The following ACOXL variants were observed in gnomAD, a reference collection of about 807,000 sequenced individuals.
The protein encoded by ACOXL is acyl-coenzyme A oxidase-like protein.
ACOXL carries 70 observed loss-of-function variants against 71.9 expected under a neutral mutation model. That is an observed-to-expected ratio of 0.97 (90% CI 0.80 to 1.19). The LOEUF (loss-of-function observed/expected upper bound fraction) is 1.19, where lower values mean the gene tolerates loss of function less well. ACOXL is among the 50% of genes most tolerant of loss of function. The pLI, the probability that ACOXL is intolerant of heterozygous loss-of-function variation, is 0.00. For synonymous variants in ACOXL, 253 were observed against 281.6 expected (o/e 0.90, Z 1.02); for missense variants, 703 against 736.3 (o/e 0.95, Z 0.52).
intron 10 of ACOXL, among the ~76,000 whole-genome samples, chr2:110,877,507 G>GT (rs552632562): frequency 8.2e-4 from 124 of 152,142 alleles, no homozygotes; most frequent in African/African-American, 2.9e-3. Context: ...TTGTTCGGTT[G>GT]TTTTTTCAAA....
intron 14 of ACOXL, among the ~76,000 whole-genome samples, chr2:111,014,372 T>C (rs1035225995): frequency 2.6e-5 from 4 of 152,198 alleles, no homozygotes; most frequent in African/African-American, 9.7e-5. Context: ...ATTTACAATA[T>C]CATCTAAAAA....
intron 14 of ACOXL, among the ~76,000 whole-genome samples, chr2:110,998,166 G>A (rs1044467090): frequency 1.3e-5 from 2 of 152,118 alleles, no homozygotes; most frequent in African/African-American, 4.8e-5. Context: ...TAAGATGAAA[G>A]ACAAAGTAAA....
intron 7 of ACOXL, among the ~76,000 whole-genome samples, chr2:110,799,469 G>A (rs1030331258): frequency 2.0e-5 from 3 of 152,158 alleles, no homozygotes; most frequent in Non-Finnish European, 4.4e-5. Context: ...CTGTGCTCTT[G>A]AGGCCCTTAA....
intron 9 of ACOXL, among the ~76,000 whole-genome samples, chr2:110,820,098 T>G (rs2105505362): frequency 6.6e-6 from 1 of 152,170 alleles, no homozygotes; most frequent in African/African-American, 2.4e-5. Flanking sequence ...TTCCCAACAT[T>G]CCCTAGTCAG....
intron 12 of ACOXL, among the ~76,000 whole-genome samples, chr2:110,977,320 A>G (rs547432058): frequency 6.6e-6 from 1 of 151,442 alleles, no homozygotes; most frequent in East Asian, 2.0e-4. Flanking sequence ...CGGGAGGCAG[A>G]GCTTGCAGTG....
chr2:111,059,876 A>G (rs2066723112), intron 16 of ACOXL, among the ~76,000 whole-genome samples: 1 of 151,278 alleles, frequency 6.6e-6, no homozygotes, highest in South Asian at 2.1e-4. Context: ...GAGGAGGAGG[A>G]TAAGGAGGAG....
chr2:110,754,138 T>C lies in ACOXL; in HGVS notation c.-22-14230T>C, dbSNP rs571355781. On this transcript the variant is annotated intron_variant, in intron 1 of 17. Coordinates refer to ENST00000439055, the MANE Select transcript of ACOXL (RefSeq NM_001142807.4). ...CCCAGGCTGGAGTGCAGTGGCATGATCTTGGCTCACTACAGCCTCAACATC... is the reference window on the plus strand; with the variant it reads ...CCCAGGCTGGAGTGCAGTGGCATGACCTTGGCTCACTACAGCCTCAACATC... Among the ~76,000 whole-genome samples, 9 of 150,880 alleles carry C rather than the reference T, an allele frequency of 6.0e-5. No individual in the cohort carries two copies. In the South Asian group the frequency reaches 1.9e-3, roughly 32 times the overall value.
At chr2:110,803,170 T>A (rs1464370430) in intron 8 of ACOXL, among the ~76,000 whole-genome samples, 1 of 152,122 alleles carries the variant, frequency 6.6e-6, no homozygotes, top group Non-Finnish European at 1.5e-5. Flanking sequence ...CCAGGCCCCC[T>A]CAGGACCACC....
At chr2:110,999,228 A>G (rs1226575315) in intron 14 of ACOXL, among the ~76,000 whole-genome samples, 1 of 152,052 alleles carries the variant, frequency 6.6e-6, no homozygotes, top group Non-Finnish European at 1.5e-5. Flanking sequence ...CCATCCATCC[A>G]TGCACCCACA....
At chr2:111,091,556 A>T in intron 16 of ACOXL, among the ~76,000 whole-genome samples, 1 of 152,126 alleles carries the variant, frequency 6.6e-6, no homozygotes, top group East Asian at 1.9e-4. Context: ...CACATAATTT[A>T]TATGATTTAT....
At chr2:111,002,089 C>A (rs898339937) in intron 14 of ACOXL, among the ~76,000 whole-genome samples, 8 of 152,120 alleles carry the variant, frequency 5.3e-5, no homozygotes, top group Non-Finnish European at 1.2e-4. Flanking sequence ...ATAACGGAAA[C>A]TTATGAATGC....
intron 10 of ACOXL, among the ~76,000 whole-genome samples, chr2:110,892,380 CAG>C (rs1272227560): frequency 1.3e-5 from 2 of 152,094 alleles, no homozygotes; most frequent in Non-Finnish European, 2.9e-5. Flanking sequence ...GCAAACCAGT[CAG>C]GGGTCTGTTG....
chr2:111,000,687 C>G (rs116791272), intron 14 of ACOXL, among the ~76,000 whole-genome samples: 1 of 152,198 alleles, frequency 6.6e-6, no homozygotes, highest in Non-Finnish European at 1.5e-5. Context: ...GGCTTGCAGC[C>G]GCATCTCTCC....
intron 9 of ACOXL, among the ~76,000 whole-genome samples, chr2:110,828,010 G>A (rs535377136): frequency 6.6e-6 from 1 of 151,952 alleles, no homozygotes; most frequent in Non-Finnish European, 1.5e-5. Flanking sequence ...TTGCTCTGTC[G>A]CCCAGGCTGG....
intron 12 of ACOXL, among the ~76,000 whole-genome samples, chr2:110,946,725 C>G (rs1362835755): frequency 6.6e-6 from 1 of 152,102 alleles, no homozygotes; most frequent in African/African-American, 2.4e-5. Context: ...TCCAGGTGTC[C>G]ATAGACATGC....
At chr2:110,886,654 C>T in intron 10 of ACOXL, 1 of 1,230,786 alleles carries the variant, frequency 8.1e-7, no homozygotes, top group African/African-American at 1.5e-5. Context: ...GCTGGGATTA[C>T]AGGCTTGAGC....
At chr2:110,972,691 G>A (rs1294400538) in intron 12 of ACOXL, among the ~76,000 whole-genome samples, 2 of 151,644 alleles carry the variant, frequency 1.3e-5, no homozygotes, top group Non-Finnish European at 2.9e-5. Flanking sequence ...TTCAAGGTCA[G>A]CAAAGGAAAA....
In ACOXL at chr2:111,031,690, C is replaced by T; in HGVS notation, c.1345C>T (p.Leu449=). 1.2e-6 allele frequency: 2 copies of T among 1,614,190 alleles called. No individual in the cohort carries two copies. Among genetic ancestry groups the T allele is most frequent in the Non-Finnish European group, 1.7e-6 (2 of 1,180,034 alleles). The change falls in exon 15 of 18, where the codon CTG becomes TTG. Residue 449 remains leucine (L), a synonymous_variant. Coordinates refer to ENST00000439055, the MANE Select transcript of ACOXL (RefSeq NM_001142807.4). ...CTCGTGTCTGCACCACGTGGCTTCT[C>T]TGTCCCTGGCACACACTCACCGAGG... The part of the protein sequence containing the change: ...WNSCLHHVAS[L]SLAHTHRVTL...
intron 10 of ACOXL, among the ~76,000 whole-genome samples, chr2:110,882,756 A>G (rs1696814834): frequency 1.3e-5 from 2 of 152,092 alleles, no homozygotes; most frequent in Non-Finnish European, 2.9e-5. Flanking sequence ...GGAATGGCCT[A>G]TGCTCCTTTT....
Sources: gnomAD v4.1 joint callset for allele counts (sites outside exome capture counted in the v4.1 genomes callset) on GRCh38, gnomAD v4.1.1 for gene constraint, MANE v1.5 for transcripts, NCBI Gene and HGNC (gene_info 2026-07-23, HGNC 2026-07-21) for gene names.